Variants in DNM2 observed in about 807,000 individuals in gnomAD.
The protein encoded by DNM2 is dynamin-2.
A neutral mutation model predicts 99.0 loss-of-function variants in DNM2; 15 were observed. The ratio of observed to expected loss-of-function variants is 0.15; its 90% CI spans 0.10 to 0.23. The LOEUF (loss-of-function observed/expected upper bound fraction) is 0.23, where lower values mean the gene tolerates loss of function less well. DNM2 is among the 10% of genes least tolerant of loss of function. The pLI is 1.00. For missense variants in DNM2, 742 were observed against 1,189.4 expected, an observed-to-expected ratio of 0.62 and a Z score of 5.53; for synonymous variants, 525 against 481.2, an observed-to-expected ratio of 1.09 and a Z score of -1.19.
At position 10,736,214 on chromosome 19, in the gene DNM2, A is replaced by G. The variant is rs947843631; in HGVS notation, c.161+17811A>G. The stretch of plus-strand genomic sequence containing the variant: ...CGGGAGGTGGAGGTTGCAGTGAGCC[A>G]AGATCGCGCTATTGCACTCCAGCCT... On this transcript the variant is annotated intron_variant, in intron 1 of 20. Transcript: ENST00000389253. 1.2e-4 allele frequency among the ~76,000 whole-genome samples: 18 copies of G among 151,916 alleles called. 1 individual carries two copies. Among genetic ancestry groups the G allele is most frequent in the Middle Eastern group, 3.4e-3 (1 of 294 alleles).
chr19:10,764,044 G>A lies in DNM2; in HGVS notation c.235+4233G>A, dbSNP rs2070719330. On this transcript the variant is annotated intron_variant, in intron 2 of 20. Coordinates refer to ENST00000389253, the MANE Select transcript of DNM2 (RefSeq NM_001005361.3). The surrounding 1 kb of genome is among the most constrained non-coding windows in gnomAD (Gnocchi z 4.1). The stretch of plus-strand genomic sequence containing the variant: ...GGGAGGTAGGACGCCTTACTAAGAG[G>A]AGAGGAAAATGAACACATTGCGGGC... Among the ~76,000 whole-genome samples the A allele has an allele frequency of 6.6e-6, 1 of 152,168 alleles. No homozygotes were observed. Among genetic ancestry groups the A allele is most frequent in the Non-Finnish European group, 1.5e-5 (1 of 68,016 alleles).
Position 10,718,296 on chromosome 19 carries a change from C to G in DNM2, c.54C>G (p.Asp18Glu). ...TCCCGCTGGTCAACAAACTGCAGGA[C>G]GCCTTCAGCTCCATCGGCCAGAGCT... ...ELIPLVNKLQ[D>E]AFSSIGQSCH... Residue 18 changes from aspartate to glutamate, a missense_variant, in exon 1 of 21, where the codon GAC (aspartate) becomes GAG (glutamate). This residue lies in a region of DNM2 where 52 missense variants were observed against 46.1 expected (regional missense o/e 1.13). Coordinates refer to ENST00000389253, the MANE Select transcript of DNM2 (RefSeq NM_001005361.3). 6.6e-7 allele frequency: 1 copy of G among 1,505,124 alleles called. No homozygotes were observed. The highest frequency in any genetic ancestry group is 8.9e-7 in the Non-Finnish European group (1 of 1,127,162). 93.2% of individuals were successfully genotyped at this position (1,505,124 alleles called of 1,614,324 possible). A position where few individuals can be genotyped will look rare whatever the true frequency, so the allele number is the denominator to read the frequency against.
At chr19:10,776,817 T>C (rs1224618095) in intron 4 of DNM2, among the ~76,000 whole-genome samples, 1 of 152,242 alleles carries the variant, frequency 6.6e-6, no homozygotes, top group South Asian at 2.1e-4. Flanking sequence ...TTACGTGAGG[T>C]TTCCCAAAGC....
intron 2 of DNM2, among the ~76,000 whole-genome samples, chr19:10,771,798 T>C (rs1218992117): frequency 6.6e-6 from 1 of 152,208 alleles, no homozygotes; most frequent in South Asian, 2.1e-4. Context: ...CGTGGAGGCA[T>C]ATGCCTGTAA....
intron 1 of DNM2, among the ~76,000 whole-genome samples, chr19:10,724,827 C>T (rs898549130): frequency 6.6e-6 from 1 of 152,198 alleles, no homozygotes; most frequent in Non-Finnish European, 1.5e-5. Context: ...GGCATGTAGG[C>T]GCCCCGTGCC....
chr19:10,752,347 G>C (rs962006864), intron 1 of DNM2, among the ~76,000 whole-genome samples: 1 of 152,206 alleles, frequency 6.6e-6, no homozygotes, highest in African/African-American at 2.4e-5. Context: ...ACCTTCTCCT[G>C]CCTGTGCCCA....
In DNM2 at chr19:10,812,773, C is replaced by T. The variant is rs1599604091; in HGVS notation, c.1671+396C>T. 1.3e-5 allele frequency among the ~76,000 whole-genome samples: 2 copies of T among 152,074 alleles called. No homozygotes were observed. Among genetic ancestry groups the T allele is most frequent in the South Asian group, 2.1e-4 (1 of 4,830 alleles). ...CTGCACTCCAGCCTGGGCGAGAGAG[C>T]GAGACTCCATCTCAAAATAAACAAA... On this transcript the variant is annotated intron_variant, in intron 15 of 20. Coordinates refer to ENST00000389253, the MANE Select transcript of DNM2 (RefSeq NM_001005361.3). This position sits in a 1 kb window ranked among gnomAD's most constrained non-coding sequence, Gnocchi z 4.0.
At chr19:10,825,355 T>A in intron 18 of DNM2, 134 bp downstream of exon 18, 1 of 1,244,702 alleles carries the variant, frequency 8.0e-7, no homozygotes, top group Non-Finnish European at 1.1e-6. Flanking sequence ...GCCAAAACGG[T>A]GAAACCCCAT....
rs920872155 is a variant in DNM2, at chr19:10,830,250, G to A, written c.2415G>A (p.Ser805=). 11 of 1,613,858 alleles carry A rather than the reference G, an allele frequency of 6.8e-6. No homozygotes were observed. The highest frequency in any genetic ancestry group is 9.3e-6 in the Non-Finnish European group (11 of 1,179,906). The change falls in exon 20 of 21, where the codon TCG becomes TCA. Residue 805 remains serine, a synonymous_variant. Coordinates refer to ENST00000389253, the MANE Select transcript of DNM2 (RefSeq NM_001005361.3). This position sits in a 1 kb window ranked among gnomAD's most constrained non-coding sequence, Gnocchi z 4.8. ...CCGTGGGGGCAGCAGCCTCCTTCTC[G>A]GCGCCCCCAATCCCATCCCGGCCTG... ...PVPVGAAASF[S]APPIPSRPGP...
intron 1 of DNM2, among the ~76,000 whole-genome samples, chr19:10,723,449 A>G (rs181578295): frequency 1.1e-4 from 16 of 151,758 alleles, no homozygotes; most frequent in Non-Finnish European, 2.2e-4. Flanking sequence ...TCTATTTTTA[A>G]TAGAGATGGG....
intron 1 of DNM2, among the ~76,000 whole-genome samples, chr19:10,723,681 T>G (rs1189761743): frequency 6.6e-6 from 1 of 152,216 alleles, no homozygotes; most frequent in Non-Finnish European, 1.5e-5. Flanking sequence ...ACATTAGGTG[T>G]TGTTCGTTCA....
chr19:10,780,389 G>T (rs1017116498), intron 5 of DNM2: 8 of 152,474 alleles, frequency 5.2e-5, no homozygotes, highest in Non-Finnish European at 8.8e-5. Flanking sequence ...GATCCTAAGG[G>T]CCTTTGGGGT....
intron 2 of DNM2, among the ~76,000 whole-genome samples, chr19:10,771,997 G>T (rs1485824662): frequency 6.6e-6 from 1 of 152,114 alleles, no homozygotes; most frequent in Admixed American, 6.5e-5. Flanking sequence ...CTTGTCATGA[G>T]AACGAATCTT....
At chr19:10,755,812 C>T (rs1364200577) in intron 1 of DNM2, among the ~76,000 whole-genome samples, 1 of 151,986 alleles carries the variant, frequency 6.6e-6, no homozygotes, top group East Asian at 1.9e-4. Flanking sequence ...TACATGCTTG[C>T]GCCCCCACAC....
intron 7 of DNM2, among the ~76,000 whole-genome samples, chr19:10,787,419 C>T (rs1291657187): frequency 1.4e-5 from 2 of 141,366 alleles, no homozygotes; most frequent in South Asian, 4.5e-4. Context: ...TTCAGTGAGT[C>T]GAGATTGCGC....
chr19:10,762,820 AGG>A (rs200101810), intron 2 of DNM2, among the ~76,000 whole-genome samples: 3,506 of 151,970 alleles, frequency 0.023, 59 homozygotes, highest in Non-Finnish European at 0.039. Context: ...TTGGTGGAAA[AGG>A]GACCACAGGG....
At chr19:10,722,455 G>A (rs7256743) in intron 1 of DNM2, among the ~76,000 whole-genome samples, 2 of 152,036 alleles carry the variant, frequency 1.3e-5, no homozygotes, top group African/African-American at 2.4e-5. Context: ...AGGCATTCCC[G>A]CACCCTAGCC....
chr19:10,751,766 C>T (rs905518633), intron 1 of DNM2, among the ~76,000 whole-genome samples: 6 of 152,272 alleles, frequency 3.9e-5, no homozygotes, highest in African/African-American at 7.2e-5. Context: ...CTGAGAGCTG[C>T]GTCTCCGTCG....
At chr19:10,824,659 C>G in intron 17 of DNM2, 1 of 253,690 alleles carries the variant, frequency 3.9e-6, no homozygotes, top group South Asian at 5.2e-5. Context: ...CAAACATACC[C>G]AGGCATGGTG....
Sources: gnomAD v4.1 joint callset for allele counts (sites outside exome capture counted in the v4.1 genomes callset) on GRCh38, gnomAD v4.1.1 for gene constraint, gnomAD v4.1.1 regional missense constraint, Gnocchi (gnomAD v3.1) non-coding constraint, MANE v1.5 for transcripts, NCBI Gene and HGNC (gene_info 2026-07-23, HGNC 2026-07-21) for gene names.